TSPEAR: variants seen among roughly 807,000 people sequenced by gnomAD.
The protein encoded by TSPEAR is thrombospondin-type laminin G domain and EAR repeat-containing protein.
Under a neutral mutation model 71.6 loss-of-function variants are expected in TSPEAR, and 69 were observed. The ratio of observed to expected loss-of-function variants is 0.96; its 90% CI spans 0.79 to 1.18. The LOEUF is 1.18. Among genes scored for constraint, TSPEAR ranks in the 50% most tolerant of loss-of-function variants. The probability of loss-of-function intolerance (pLI) is 0.00; values close to 1 mark genes in which losing one functional copy is unlikely to be tolerated. For missense variants in TSPEAR, 971 were observed against 894.9 expected, an observed-to-expected ratio of 1.09 and a Z score of -1.09; for synonymous variants, 402 against 387.2, an observed-to-expected ratio of 1.04 and a Z score of -0.45.
At chr21:44,601,612 C>G in intron 1 of TSPEAR, 1 of 1,613,554 alleles carries the variant, frequency 6.2e-7, no homozygotes, top group Non-Finnish European at 8.5e-7. Flanking sequence ...CTGCTGCGCC[C>G]CCACCTCCTC....
rs782511341 is a variant in TSPEAR at position 44,529,780 on chromosome 21, G to C, written c.790+18C>G. 9.3e-6 allele frequency: 15 copies of C among 1,613,132 alleles called. No individual in the cohort carries two copies. Among genetic ancestry groups the C allele is most frequent in the South Asian group, 7.7e-5 (7 of 91,074 alleles). ...CGCATCTGCCTTTGGTGTGGGGGCG[G>C]GTGGCCCCCCTACTAACCATAGGGA... On this transcript the variant is annotated intron_variant, in intron 5 of 11. Transcript: ENST00000323084.
At position 44,499,734 on chromosome 21, in the gene TSPEAR, G is replaced by A; in HGVS notation, c.*49C>T. The A allele has an allele frequency of 6.6e-7, 1 of 1,508,374 alleles. No individual in the cohort carries two copies. Among genetic ancestry groups the A allele is most frequent in the Non-Finnish European group, 8.9e-7 (1 of 1,128,236 alleles). The allele number at this position is 1,508,374 out of a possible 1,614,324, so 93.4% of individuals were successfully genotyped here. A position where few individuals can be genotyped will look rare whatever the true frequency, so the allele number is the denominator to read the frequency against. On this transcript the variant is annotated 3_prime_UTR_variant, in exon 12 of 12. Transcript: ENST00000323084. ...CCAGGGTCAGTTGGGGGAGGTGCTGGGGTCCCGCCCCACCTGGCCACCCCA... is the reference window on the plus strand; with the variant it reads ...CCAGGGTCAGTTGGGGGAGGTGCTGAGGTCCCGCCCCACCTGGCCACCCCA...
At chr21:44,707,594 C>T (rs1107120) in intron 1 of TSPEAR, among the ~76,000 whole-genome samples, 10 of 151,772 alleles carry the variant, frequency 6.6e-5, no homozygotes, top group South Asian at 2.1e-4. Flanking sequence ...GGGGGCGGAG[C>T]GGGGGAAAAG....
chr21:44,683,466 G>A (rs1426847383), intron 1 of TSPEAR, among the ~76,000 whole-genome samples: 2 of 151,834 alleles, frequency 1.3e-5, no homozygotes, highest in Non-Finnish European at 2.9e-5. Flanking sequence ...AGGAGTTTCA[G>A]ACCAGCCTGG....
Position 44,679,239 on chromosome 21 carries a change from C to CT in TSPEAR, c.82+32193dup, listed in dbSNP as rs140731991. Among the ~76,000 whole-genome samples the CT allele has an allele frequency of 5.5e-3, 834 of 152,250 alleles. 8 individuals are homozygous for CT. The highest frequency in any genetic ancestry group is 0.019 in the African/African-American group (788 of 41,548). ...CCTCTTTCTGTGGCCTCTCAGCTTC[C>CT]TTGAACTTTGGGGGTAGGTTTGCAT... On this transcript the variant is annotated intron_variant, in intron 1 of 11. Transcript: ENST00000323084.
chr21:44,503,015 C>T (rs587602558), intron 11 of TSPEAR, among the ~76,000 whole-genome samples: 1,777 of 102,638 alleles, frequency 0.017, 4 homozygotes, highest in African/African-American at 0.063. Flanking sequence ...GGGAGGAAGC[C>T]GGCCTCGGTG....
chr21:44,530,906 G>A (rs2145981422), intron 4 of TSPEAR, 137 bp downstream of exon 4: 1 of 738,506 alleles, frequency 1.4e-6, no homozygotes, highest in Non-Finnish European at 2.4e-6. Context: ...CCCTGTGGTA[G>A]AGACTCCACG....
rs1305087941 is a variant in TSPEAR, at chr21:44,649,956, G to A, written c.82+61477C>T. Among the ~76,000 whole-genome samples, 5 of 152,276 alleles carry A rather than the reference G, an allele frequency of 3.3e-5. No homozygotes were observed. The East Asian group carries it at 5.8e-4, about 18-fold the overall frequency. On this transcript the variant is annotated intron_variant, in intron 1 of 11. Coordinates refer to ENST00000323084, the MANE Select transcript of TSPEAR (RefSeq NM_144991.3). ...AAAGACATGTTGGTCCAGACGTGGC[G>A]CATGCCTGTAATCTCAGCACCGTGG... is the stretch of plus-strand genomic sequence containing the variant.
intron 2 of TSPEAR, among the ~76,000 whole-genome samples, chr21:44,537,167 C>T (rs1369200231): frequency 6.6e-6 from 1 of 152,088 alleles, no homozygotes; most frequent in Non-Finnish European, 1.5e-5. Flanking sequence ...ACTGGAAAAG[C>T]TTTCTAAAAT....
At chr21:44,647,130 T>C (rs781861862) in intron 1 of TSPEAR, 1 of 1,614,098 alleles carries the variant, frequency 6.2e-7, no homozygotes, top group Non-Finnish European at 8.5e-7. Flanking sequence ...GCCAGCCAGC[T>C]TGCTGCACCA....
intron 1 of TSPEAR, among the ~76,000 whole-genome samples, chr21:44,650,868 G>A (rs1333334333): frequency 1.3e-5 from 2 of 152,190 alleles, no homozygotes; most frequent in Non-Finnish European, 2.9e-5. Context: ...GGTGGACGGA[G>A]TCCTCTGAAG....
chr21:44,671,091 T>C (rs1418486808), intron 1 of TSPEAR, among the ~76,000 whole-genome samples: 1 of 152,182 alleles, frequency 6.6e-6, no homozygotes, highest in Admixed American at 6.5e-5. Flanking sequence ...CAACCCATTC[T>C]ACCAATGCCA....
chr21:44,506,677 G>A lies in TSPEAR; in HGVS notation c.1755-1796C>T, dbSNP rs587760753. 5.9e-5 allele frequency: 9 copies of A among 152,488 alleles called. No individual in the cohort carries two copies. The highest frequency in any genetic ancestry group is 2.2e-4 in the African/African-American group (9 of 41,600). 9.4% of individuals were successfully genotyped at this position (152,488 alleles called of 1,614,324 possible). ...GCCAGCTCGCTGGGAGGAGGACGAGGACGCCTGTGATCACATGCTCTGGTC... is the reference window on the plus strand; with the variant it reads ...GCCAGCTCGCTGGGAGGAGGACGAGAACGCCTGTGATCACATGCTCTGGTC... On this transcript the variant is annotated intron_variant, in intron 10 of 11. Coordinates refer to ENST00000323084, the MANE Select transcript of TSPEAR (RefSeq NM_144991.3). The surrounding 1 kb of genome is among the most constrained non-coding windows in gnomAD (Gnocchi z 4.2).
chr21:44,514,136 T>A (rs1368549507), intron 9 of TSPEAR, among the ~76,000 whole-genome samples: 1 of 152,232 alleles, frequency 6.6e-6, no homozygotes, highest in Non-Finnish European at 1.5e-5. Flanking sequence ...GCCCAGGCTC[T>A]GCCCAGCCCC....
chr21:44,538,433 C>A (rs1248929161), intron 2 of TSPEAR, among the ~76,000 whole-genome samples: 7 of 98,226 alleles, frequency 7.1e-5, no homozygotes, highest in Non-Finnish European at 1.1e-4. Context: ...CCCCCCCCCC[C>A]CCCAAGAGGA....
At chr21:44,542,198 A>G (rs2146010054) in intron 2 of TSPEAR, among the ~76,000 whole-genome samples, 1 of 152,370 alleles carries the variant, frequency 6.6e-6, no homozygotes, top group South Asian at 2.1e-4. Context: ...TTAGCTTTAC[A>G]ACATATAGAC....
chr21:44,638,031 C>G, intron 1 of TSPEAR: 2 of 1,613,368 alleles, frequency 1.2e-6, no homozygotes, highest in South Asian at 2.2e-5. Context: ...TGCTGCGTGC[C>G]CGTCCCCTCC....
chr21:44,646,382 C>G, intron 1 of TSPEAR: 2 of 1,541,412 alleles, frequency 1.3e-6, no homozygotes, highest in Non-Finnish European at 1.8e-6. Flanking sequence ...CAGCCCTGAG[C>G]ACCTCACTCA....
chr21:44,501,113 G>A (rs2052021319), intron 11 of TSPEAR, among the ~76,000 whole-genome samples: 1 of 152,230 alleles, frequency 6.6e-6, no homozygotes, highest in African/African-American at 2.4e-5. Context: ...CGAATCATAT[G>A]GAGTTATCAA....
Sources: gnomAD v4.1 joint callset for allele counts (sites outside exome capture counted in the v4.1 genomes callset) on GRCh38, gnomAD v4.1.1 for gene constraint, Gnocchi (gnomAD v3.1) non-coding constraint, MANE v1.5 for transcripts, NCBI Gene and HGNC (gene_info 2026-07-23, HGNC 2026-07-21) for gene names.